The following JARID2 variants were observed in gnomAD, a reference collection of about 807,000 sequenced individuals.
JARID2 encodes jumonji and AT-rich interaction domain containing 2.
In JARID2, 21 loss-of-function variants were observed where a neutral mutation model predicts 125.6. The observed-to-expected ratio is 0.17, with a 90% CI of 0.12 to 0.24. The LOEUF is 0.24. Among genes scored for constraint, JARID2 ranks in the 10% least tolerant of loss-of-function variants. The probability of loss-of-function intolerance (pLI) is 1.00; values close to 1 mark genes in which losing one functional copy is unlikely to be tolerated. For synonymous variants in JARID2, 736 were observed against 661.6 expected (o/e 1.11, Z -1.73); for missense variants, 1,303 against 1,639.6 (o/e 0.79, Z 3.55).
intron 16 of JARID2, among the ~76,000 whole-genome samples, chr6:15,515,866 TCTA>T (rs1292355771): frequency 6.6e-6 from 1 of 151,908 alleles, no homozygotes; most frequent in East Asian, 1.9e-4. Flanking sequence ...AAACACCATC[TCTA>T]CTAAAAATAG....
At chr6:15,418,031 G>T (rs1375111330) in intron 3 of JARID2, among the ~76,000 whole-genome samples, 1 of 152,096 alleles carries the variant, frequency 6.6e-6, no homozygotes, top group African/African-American at 2.4e-5. Context: ...GGACCCTGTG[G>T]TGTATGTTGT....
At chr6:15,307,125 C>T (rs1761855844) in intron 1 of JARID2, among the ~76,000 whole-genome samples, 1 of 151,872 alleles carries the variant, frequency 6.6e-6, no homozygotes, top group African/African-American at 2.4e-5. Flanking sequence ...GCCTGTAGTC[C>T]CAGCTACTCA....
intron 1 of JARID2, among the ~76,000 whole-genome samples, chr6:15,280,687 G>A (rs941582596): frequency 1.1e-4 from 17 of 149,284 alleles, no homozygotes; most frequent in Non-Finnish European, 2.2e-4. Context: ...GGAGTGCAGC[G>A]ATGTGATCTA....
At chr6:15,393,159 T>C (rs1305132507) in intron 2 of JARID2, among the ~76,000 whole-genome samples, 2 of 152,224 alleles carry the variant, frequency 1.3e-5, no homozygotes, top group African/African-American at 4.8e-5. Context: ...TGGGTATTCT[T>C]TCAGCTATCC....
chr6:15,400,548 CTG>C (rs1286621129), intron 2 of JARID2, among the ~76,000 whole-genome samples: 2 of 152,050 alleles, frequency 1.3e-5, no homozygotes, highest in Admixed American at 6.5e-5. Context: ...CACAATTAAA[CTG>C]TGAATGTCCC....
chr6:15,384,413 G>A (rs1439233136), intron 2 of JARID2, among the ~76,000 whole-genome samples: 1 of 138,980 alleles, frequency 7.2e-6, no homozygotes, highest in African/African-American at 2.7e-5. Flanking sequence ...AAGTTAAGAT[G>A]TCCCAAAGCC....
At chr6:15,368,193 A>G (rs926005871) in intron 1 of JARID2, among the ~76,000 whole-genome samples, 1 of 152,188 alleles carries the variant, frequency 6.6e-6, no homozygotes, top group Non-Finnish European at 1.5e-5. Flanking sequence ...TATATTATGC[A>G]CACATAGCTT....
chr6:15,366,308 G>GT (rs1313311735), intron 1 of JARID2, among the ~76,000 whole-genome samples: 2 of 151,952 alleles, frequency 1.3e-5, no homozygotes, highest in South Asian at 4.1e-4. Context: ...CATGGGCCTA[G>GT]TTTTTTAGAA....
intron 2 of JARID2, among the ~76,000 whole-genome samples, chr6:15,381,328 G>A (rs1381275500): frequency 7.1e-6 from 1 of 140,330 alleles, no homozygotes; most frequent in African/African-American, 2.7e-5. Flanking sequence ...GCGACAGAGG[G>A]AGACTCCTGT....
rs1770833835 is a variant in JARID2 at position 15,503,367 on chromosome 6, CT to C, written c.2449-1132del. Among the ~76,000 whole-genome samples the C allele has an allele frequency of 3.9e-5, 6 of 152,238 alleles. No individual in the cohort carries two copies. In the South Asian group the frequency reaches 1.2e-3, roughly 32 times the overall value. On this transcript the variant is annotated intron_variant, in intron 8 of 17. Coordinates refer to ENST00000341776, the MANE Select transcript of JARID2 (RefSeq NM_004973.4). ...TACGTTCCTGTAGTTAGAACCCCAT[CT>C]AGTTCCTTTGCTGCAGGAGAGAAAG...
chr6:15,263,075 TGTG>T (rs1316928184), intron 1 of JARID2, among the ~76,000 whole-genome samples: 1 of 9,358 alleles, frequency 1.1e-4, no homozygotes, highest in East Asian at 2.9e-3. Context: ...GGTGTGTGTT[TGTG>T]TGTGTGTGTG....
rs543364119 is a variant in JARID2 at position 15,425,781 on chromosome 6, C to T, written c.323+15416C>T. The stretch of plus-strand genomic sequence containing the variant: ...ATAGAAGCCTCAAATGGACTAAGAG[C>T]GCAAGTGTGCTGCAAAAGAAAGATG... On this transcript the variant is annotated intron_variant, in intron 3 of 17. Coordinates refer to ENST00000341776, the MANE Select transcript of JARID2 (RefSeq NM_004973.4). 7.2e-5 allele frequency among the ~76,000 whole-genome samples: 11 copies of T among 152,256 alleles called. No homozygotes were observed. The South Asian group carries it at 1.9e-3, about 26-fold the overall frequency.
chr6:15,366,509 CGGGGGGG>C (rs1217236890), intron 1 of JARID2, among the ~76,000 whole-genome samples: 2 of 4,876 alleles, frequency 4.1e-4, no homozygotes, highest in African/African-American at 1.1e-3. Context: ...GGGTGGGGGG[CGGGGGGG>C]GCGGGGGGGG....
intron 1 of JARID2, among the ~76,000 whole-genome samples, chr6:15,282,635 G>A (rs530377456): frequency 4.8e-5 from 7 of 147,142 alleles, no homozygotes; most frequent in African/African-American, 1.0e-4. Flanking sequence ...CCTCAGTTTC[G>A]CTCTTGTTGC....
At chr6:15,470,978 C>T (rs867738137) in intron 5 of JARID2, among the ~76,000 whole-genome samples, 2 of 152,294 alleles carry the variant, frequency 1.3e-5, no homozygotes, top group South Asian at 4.1e-4. Context: ...AGAGGAAATG[C>T]GTCAAGTTCT....
chr6:15,338,564 T>C (rs994009340), intron 1 of JARID2, among the ~76,000 whole-genome samples: 1 of 152,174 alleles, frequency 6.6e-6, no homozygotes, highest in Non-Finnish European at 1.5e-5. Flanking sequence ...GCCGACAATA[T>C]AGGATTGATC....
chr6:15,442,904 CTG>C (rs768692989), intron 3 of JARID2, among the ~76,000 whole-genome samples: 1 of 152,140 alleles, frequency 6.6e-6, no homozygotes, highest in Non-Finnish European at 1.5e-5. Context: ...GAATAAAAAA[CTG>C]TACTGCATAT....
chr6:15,255,025 C>CA (rs539161155), intron 1 of JARID2, among the ~76,000 whole-genome samples: 172 of 141,560 alleles, frequency 1.2e-3, no homozygotes, highest in South Asian at 5.0e-3. Flanking sequence ...AAACAAAAAA[C>CA]AAAAAAAAAA....
At chr6:15,359,804 G>A (rs368138562) in intron 1 of JARID2, among the ~76,000 whole-genome samples, 5 of 151,400 alleles carry the variant, frequency 3.3e-5, no homozygotes, top group East Asian at 1.9e-4. Flanking sequence ...CTCCTGTCTC[G>A]GCGTCCTGAG....
Sources: gnomAD v4.1 joint callset for allele counts (sites outside exome capture counted in the v4.1 genomes callset) on GRCh38, gnomAD v4.1.1 for gene constraint, MANE v1.5 for transcripts, NCBI Gene and HGNC (gene_info 2026-07-23, HGNC 2026-07-21) for gene names.